Variants in GAS7 observed in about 807,000 individuals in gnomAD.
GAS7 encodes growth arrest specific 7, also known as growth arrest-specific protein 7.
In GAS7, 28 loss-of-function variants were observed where a neutral mutation model predicts 71.1. That is an observed-to-expected ratio of 0.39 (90% CI 0.29 to 0.54). The LOEUF is 0.54. Among genes scored for constraint, GAS7 ranks in the 20% least tolerant of loss-of-function variants. GAS7 has a pLI of 0.62. For synonymous variants in GAS7, 258 were observed against 245.8 expected (o/e 1.05, Z -0.46); for missense variants, 436 against 627.8 (o/e 0.69, Z 3.27).
chr17:10,094,285 C>T (rs1438847195), intron 1 of GAS7, among the ~76,000 whole-genome samples: 3 of 152,160 alleles, frequency 2.0e-5, no homozygotes, highest in East Asian at 1.9e-4. Context: ...TCCCTGAATG[C>T]ACAGCTGGGT....
chr17:10,012,477 G>A (rs139382324), intron 2 of GAS7, among the ~76,000 whole-genome samples: 621 of 151,610 alleles, frequency 4.1e-3, no homozygotes, highest in Admixed American at 6.2e-3. Context: ...TAATAGAGAC[G>A]GGGTTTCACC....
chr17:9,921,294 C>T (rs2067798044), intron 11 of GAS7, among the ~76,000 whole-genome samples: 2 of 151,700 alleles, frequency 1.3e-5, no homozygotes, highest in Non-Finnish European at 2.9e-5. Flanking sequence ...GTAGCTGGTA[C>T]CACAGGCATG....
At chr17:10,017,323 C>CTTTTTTTT (rs1209394276) in intron 2 of GAS7, among the ~76,000 whole-genome samples, 1 of 142,050 alleles carries the variant, frequency 7.0e-6, no homozygotes, top group African/African-American at 2.6e-5. Context: ...TCATCTTCCA[C>CTTTTTTTT]TTTTTTTTTT....
chr17:10,102,765 G>A (rs1239107890), intron 1 of GAS7, among the ~76,000 whole-genome samples: 3 of 147,396 alleles, frequency 2.0e-5, no homozygotes, highest in African/African-American at 7.5e-5. Flanking sequence ...TTTTTTTTTG[G>A]TTTGGTTTCC....
At chr17:10,116,900 A>G (rs1033750218) in intron 1 of GAS7, among the ~76,000 whole-genome samples, 3 of 152,090 alleles carry the variant, frequency 2.0e-5, no homozygotes, top group African/African-American at 7.2e-5. Flanking sequence ...GGGGGGGAAA[A>G]GAAAAAACAG....
At chr17:10,021,641 G>C (rs1195018334) in intron 1 of GAS7, among the ~76,000 whole-genome samples, 2 of 152,150 alleles carry the variant, frequency 1.3e-5, no homozygotes, top group Non-Finnish European at 2.9e-5. Context: ...CAGTGAGGTG[G>C]ACAGCAGCCA....
At chr17:10,035,535 G>A (rs1471332053) in intron 1 of GAS7, among the ~76,000 whole-genome samples, 2 of 152,204 alleles carry the variant, frequency 1.3e-5, no homozygotes, top group Non-Finnish European at 2.9e-5. Flanking sequence ...GGAACAGGAA[G>A]CCATGCCAGA....
rs553964299 is a variant in GAS7 at position 10,180,799 on chromosome 17, C to T, written c.183+17409G>A. On this transcript the variant is annotated intron_variant, in intron 1 of 13. Transcript: ENST00000432992. The stretch of plus-strand genomic sequence containing the variant: ...TTGTTACTTTTTTCCCCATGTGAAG[C>T]CAAGTAACTACCATGGGCAGCAAAC... 2.0e-5 allele frequency among the ~76,000 whole-genome samples: 3 copies of T among 152,034 alleles called. No homozygotes were observed. In the East Asian group the frequency reaches 5.8e-4, roughly 29 times the overall value.
At chr17:10,084,505 C>A (rs2073495166) in intron 1 of GAS7, among the ~76,000 whole-genome samples, 1 of 152,096 alleles carries the variant, frequency 6.6e-6, no homozygotes, top group South Asian at 2.1e-4. Context: ...TCGCTCTTGT[C>A]CCCCAGGCTG....
chr17:9,929,891 C>T (rs777194443), intron 9 of GAS7, among the ~76,000 whole-genome samples: 31 of 151,810 alleles, frequency 2.0e-4, no homozygotes, highest in Admixed American at 6.6e-5. Flanking sequence ...ATCAGAAGTC[C>T]TTCCTCAAAG....
At chr17:10,020,075 G>C in intron 1 of GAS7, 178 bp from the exon 2 acceptor site, 1 of 604,716 alleles carries the variant, frequency 1.7e-6, no homozygotes. Flanking sequence ...GCGTGAGCAT[G>C]AGCAGTGAGA....
intron 1 of GAS7, among the ~76,000 whole-genome samples, chr17:10,146,188 A>T (rs1048283277): frequency 1.3e-5 from 2 of 152,204 alleles, no homozygotes; most frequent in African/African-American, 4.8e-5. Context: ...AGATAATCCC[A>T]GAACTTTGAG....
In GAS7 at chr17:9,974,546, GTTT is replaced by G. The variant is rs1040516711; in HGVS notation, c.386-4787_386-4785del. ...AAAAAAGCAAATGTCACACTCATCT[GTTT>G]TTAAGATTTTTAAAAAGGGAACTAA... On this transcript the variant is annotated intron_variant, in intron 3 of 13. Transcript: ENST00000432992. The surrounding 1 kb of genome is among the most constrained non-coding windows in gnomAD (Gnocchi z 4.0). Among the ~76,000 whole-genome samples the G allele has an allele frequency of 1.3e-5, 2 of 152,048 alleles. No individual in the cohort carries two copies. The highest frequency in any genetic ancestry group is 3.9e-4 in the East Asian group (2 of 5,194).
intron 1 of GAS7, chr17:10,061,341 T>C (rs991699355): frequency 1.3e-5 from 2 of 152,214 alleles, no homozygotes; most frequent in African/African-American, 2.4e-5. Flanking sequence ...TAAACAGAAT[T>C]ACAGCATTGG....
intron 1 of GAS7, among the ~76,000 whole-genome samples, chr17:10,062,928 T>C (rs1027647950): frequency 3.9e-5 from 6 of 152,234 alleles, no homozygotes; most frequent in Non-Finnish European, 7.4e-5. Flanking sequence ...GAGTGAGGCC[T>C]GCAGTACTTG....
intron 1 of GAS7, among the ~76,000 whole-genome samples, chr17:10,106,280 G>A (rs1283071123): frequency 6.6e-6 from 1 of 152,162 alleles, no homozygotes; most frequent in Non-Finnish European, 1.5e-5. Context: ...TCCAGGTGTG[G>A]CTCGGGTGGC....
intron 5 of GAS7, among the ~76,000 whole-genome samples, chr17:9,957,582 C>G (rs59773932): frequency 1.1e-4 from 17 of 149,502 alleles, no homozygotes; most frequent in African/African-American, 2.7e-4. Context: ...GACCTCCCCC[C>G]CTTTCTCCTC....
chr17:10,092,119 C>T (rs1454550534), intron 1 of GAS7, among the ~76,000 whole-genome samples: 1 of 152,136 alleles, frequency 6.6e-6, no homozygotes, highest in African/African-American at 2.4e-5. Context: ...TCACACAGGC[C>T]AAGTCGGTGT....
intron 7 of GAS7, among the ~76,000 whole-genome samples, chr17:9,942,802 G>A (rs1292272025): frequency 2.6e-5 from 4 of 152,252 alleles, no homozygotes; most frequent in Non-Finnish European, 5.9e-5. Context: ...CTCAGCTCCA[G>A]CCAAGTGTCG....
Sources: gnomAD v4.1 joint callset for allele counts (sites outside exome capture counted in the v4.1 genomes callset) on GRCh38, gnomAD v4.1.1 for gene constraint, Gnocchi (gnomAD v3.1) non-coding constraint, MANE v1.5 for transcripts, NCBI Gene and HGNC (gene_info 2026-07-23, HGNC 2026-07-21) for gene names.